Variants in PEPD observed in about 807,000 individuals in gnomAD.
PEPD encodes the protein peptidase D.
In PEPD, 53 loss-of-function variants were observed where a neutral mutation model predicts 60.7. The ratio of observed to expected loss-of-function variants is 0.87; its 90% CI spans 0.70 to 1.10. The LOEUF is 1.10. Among genes scored for constraint, PEPD ranks in the 50% least tolerant of loss-of-function variants. PEPD has a pLI of 0.00. For synonymous variants in PEPD, 267 were observed against 284.1 expected (o/e 0.94, Z 0.60); for missense variants, 711 against 711.9 (o/e 1.00, Z 0.01).
At chr19:33,403,837 G>T (rs1242590964) in intron 11 of PEPD, among the ~76,000 whole-genome samples, 3 of 152,178 alleles carry the variant, frequency 2.0e-5, no homozygotes, top group Non-Finnish European at 2.9e-5. Flanking sequence ...CTCTCAGGCT[G>T]GGGGGAGGAG....
chr19:33,476,032 T>G (rs28626223), intron 7 of PEPD, among the ~76,000 whole-genome samples: 1 of 152,148 alleles, frequency 6.6e-6, no homozygotes, highest in Non-Finnish European at 1.5e-5. Flanking sequence ...GCTAATTTTT[T>G]AAAATTTTGT....
chr19:33,423,647 T>C (rs942095867), intron 9 of PEPD, among the ~76,000 whole-genome samples: 1 of 152,240 alleles, frequency 6.6e-6, no homozygotes, highest in Non-Finnish European at 1.5e-5. Context: ...AATGGCTTGT[T>C]CCTTTTTTAA....
At chr19:33,393,063 C>G (rs1290841389) in intron 12 of PEPD, among the ~76,000 whole-genome samples, 1 of 150,816 alleles carries the variant, frequency 6.6e-6, no homozygotes, top group African/African-American at 2.4e-5. Flanking sequence ...GTGGAGATGC[C>G]CAGACCTGCC....
intron 13 of PEPD, chr19:33,388,478 G>C: frequency 2.8e-6 from 1 of 363,286 alleles, no homozygotes; most frequent in Non-Finnish European, 5.3e-6. Context: ...TCTTAAGGCG[G>C]CTGTGAAGCC....
chr19:33,436,087 AAG>A (rs1397717106), intron 9 of PEPD, among the ~76,000 whole-genome samples: 3 of 152,060 alleles, frequency 2.0e-5, no homozygotes, highest in Non-Finnish European at 4.4e-5. Flanking sequence ...GCAGAGGAGA[AAG>A]AAGCAGAGGA....
At chr19:33,390,282 G>GC (rs1968183608) in intron 13 of PEPD, among the ~76,000 whole-genome samples, 1 of 152,208 alleles carries the variant, frequency 6.6e-6, no homozygotes, top group South Asian at 2.1e-4. Flanking sequence ...ACGAACCTCA[G>GC]CTAACAATGT....
At chr19:33,516,440 G>A (rs1971024202) in intron 1 of PEPD, among the ~76,000 whole-genome samples, 1 of 152,066 alleles carries the variant, frequency 6.6e-6, no homozygotes, top group Non-Finnish European at 1.5e-5. Flanking sequence ...ACAAGTCTCT[G>A]AGCCCCAGAG....
chr19:33,435,052 G>A (rs560464770), intron 9 of PEPD, among the ~76,000 whole-genome samples: 57 of 152,316 alleles, frequency 3.7e-4, no homozygotes, highest in African/African-American at 1.3e-3. Flanking sequence ...AGAGGAAGAC[G>A]AGGGATGGAA....
Position 33,512,792 on chromosome 19 carries a change from C to T in PEPD, c.18-16G>A. 1.2e-6 allele frequency: 2 copies of T among 1,613,316 alleles called. No homozygotes were observed. The highest frequency in any genetic ancestry group is 8.5e-7 in the Non-Finnish European group (1 of 1,179,560). On this transcript the variant is annotated splice_polypyrimidine_tract_variant and intron_variant, in intron 1 of 14. Coordinates refer to ENST00000244137, the MANE Select transcript of PEPD (RefSeq NM_000285.4). ...AAACGAGGGTCTGCAGAGGCAAGAG[C>T]ACACACCGCCACACAGGCCTCTGTT...
At chr19:33,498,841 C>T (rs1970657423) in intron 4 of PEPD, among the ~76,000 whole-genome samples, 2 of 151,996 alleles carry the variant, frequency 1.3e-5, no homozygotes, top group South Asian at 4.2e-4. Context: ...GAGTCAGGTG[C>T]CCGTTCCACC....
chr19:33,475,031 A>T (rs1453207541), intron 7 of PEPD, among the ~76,000 whole-genome samples: 1 of 151,986 alleles, frequency 6.6e-6, no homozygotes, highest in Non-Finnish European at 1.5e-5. Flanking sequence ...ACTCTCATTC[A>T]ATCTTTGAGC....
chr19:33,387,584 C>G, intron 14 of PEPD, 103 bp from the exon 15 acceptor site: 1 of 1,448,362 alleles, frequency 6.9e-7, no homozygotes, highest in Non-Finnish European at 9.6e-7. Flanking sequence ...ATGGGAGCAG[C>G]TGACACTCCC....
intron 2 of PEPD, among the ~76,000 whole-genome samples, chr19:33,511,922 G>A (rs1363060423): frequency 1.3e-5 from 2 of 152,146 alleles, no homozygotes; most frequent in East Asian, 1.9e-4. Flanking sequence ...GTCTGCGGTC[G>A]CTCAGCAATG....
chr19:33,507,217 TG>T (rs1167447812), intron 3 of PEPD, among the ~76,000 whole-genome samples: 3 of 152,102 alleles, frequency 2.0e-5, no homozygotes, highest in African/African-American at 7.2e-5. Flanking sequence ...TCCCCCGACC[TG>T]GTCAAACTGG....
chr19:33,499,637 T>G (rs956053131), intron 4 of PEPD, among the ~76,000 whole-genome samples: 2 of 152,216 alleles, frequency 1.3e-5, no homozygotes. Context: ...AACTTGGTCC[T>G]GAGGGCTCAG....
At chr19:33,499,156 G>C (rs1970663304) in intron 4 of PEPD, among the ~76,000 whole-genome samples, 1 of 152,154 alleles carries the variant, frequency 6.6e-6, no homozygotes, top group African/African-American at 2.4e-5. Flanking sequence ...TTTAGATCCT[G>C]TACTCAACGG....
At chr19:33,491,885 T>C (rs1970506162) in intron 5 of PEPD, among the ~76,000 whole-genome samples, 1 of 152,038 alleles carries the variant, frequency 6.6e-6, no homozygotes, top group Admixed American at 6.5e-5. Flanking sequence ...AAACATAAAG[T>C]ATATTGATTT....
intron 9 of PEPD, among the ~76,000 whole-genome samples, chr19:33,458,104 A>C (rs981578707): frequency 1.3e-5 from 2 of 151,600 alleles, no homozygotes; most frequent in Admixed American, 6.6e-5. Context: ...TGGTGGGTAC[A>C]TGTTGTGTGT....
intron 6 of PEPD, among the ~76,000 whole-genome samples, chr19:33,482,022 C>A (rs1400458390): frequency 4.0e-5 from 6 of 150,294 alleles, no homozygotes; most frequent in Non-Finnish European, 7.4e-5. Flanking sequence ...CATCTCAAAA[C>A]AAACAAATAA....
Sources: gnomAD v4.1 joint callset for allele counts (sites outside exome capture counted in the v4.1 genomes callset) on GRCh38, gnomAD v4.1.1 for gene constraint, MANE v1.5 for transcripts, NCBI Gene and HGNC (gene_info 2026-07-23, HGNC 2026-07-21) for gene names.